The following MORN1 variants were observed in gnomAD, a reference collection of about 807,000 sequenced individuals.
The protein encoded by MORN1 is MORN repeat-containing protein 1.
MORN1 carries 67 observed loss-of-function variants against 61.9 expected under a neutral mutation model. The observed-to-expected ratio is 1.08, with a 90% confidence interval of 0.89 to 1.33. MORN1 has a LOEUF of 1.33. Ranked by LOEUF, MORN1 falls within the 40% of genes most tolerant of loss-of-function variation. The pLI is 0.00. For synonymous variants in MORN1, 301 were observed against 292.0 expected (o/e 1.03, Z -0.31); for missense variants, 752 against 691.2 (o/e 1.09, Z -0.99).
At chr1:2,350,507 T>G (rs912525263) in intron 10 of MORN1, 16 of 152,388 alleles carry the variant, frequency 1.0e-4, no homozygotes, top group African/African-American at 3.8e-4. Context: ...GAAAGATGCC[T>G]GGGACCCCAA....
intron 12 of MORN1, among the ~76,000 whole-genome samples, chr1:2,331,624 G>A (rs1468287998): frequency 6.6e-6 from 1 of 152,164 alleles, no homozygotes; most frequent in Non-Finnish European, 1.5e-5. Context: ...CTGTGCCCAT[G>A]AAACCCGGGC....
intron 6 of MORN1, among the ~76,000 whole-genome samples, chr1:2,383,714 C>T (rs753781587): frequency 7.2e-6 from 1 of 138,290 alleles, no homozygotes; most frequent in Non-Finnish European, 1.7e-5. Flanking sequence ...CTGCTGGACG[C>T]TCAGGGGGCC....
chr1:2,321,352 C>T lies in MORN1; in HGVS notation c.*31G>A, dbSNP rs1640875883. 3 of 1,422,332 alleles carry T rather than the reference C, an allele frequency of 2.1e-6. No individual in the cohort carries two copies. The highest frequency in any genetic ancestry group is 1.5e-5 in the African/African-American group (1 of 68,028). 88.1% of individuals were successfully genotyped at this position (1,422,332 alleles called of 1,614,324 possible). On this transcript the variant is annotated 3_prime_UTR_variant, in exon 14 of 14. Transcript: ENST00000378531. ...CAGAGGCAGCGTTTCCTTCCATTCA[C>T]ACCGAGGTGGCCTCCTGTGGACACG...
intron 1 of MORN1, chr1:2,390,315 G>T (rs1012054103): frequency 1.4e-6 from 1 of 701,218 alleles, no homozygotes; most frequent in Non-Finnish European, 1.8e-6. Context: ...TGAGGAGCAG[G>T]TTGGGAGCCT....
Position 2,321,468 on chromosome 1 carries a change from G to T in MORN1, c.1409C>A (p.Pro470His). The T allele has an allele frequency of 2.0e-6, 3 of 1,537,398 alleles. No individual in the cohort carries two copies. The highest frequency in any genetic ancestry group is 2.6e-6 in the Non-Finnish European group (3 of 1,140,866). ...TTCAGGGCCTTCTTCCAGGACATGG[G>T]GTGGCTGGCCAGCCCTCTTCGCTAC... ...RVVAKRAGQP[P>H]HVLEEGPEAS... Residue 470 changes from proline to histidine, a missense_variant, in exon 14 of 14, where the codon CCC (proline) becomes CAC (histidine). Pro to His is a moderately conservative substitution (Grantham distance 77). Transcript: ENST00000378531.
chr1:2,341,516 C>A (rs1415226822), intron 10 of MORN1, among the ~76,000 whole-genome samples: 1 of 152,038 alleles, frequency 6.6e-6, no homozygotes, highest in African/African-American at 2.4e-5. Context: ...CATAGTGAAA[C>A]CCCGTCTCTA....
intron 8 of MORN1, among the ~76,000 whole-genome samples, chr1:2,362,471 C>T (rs756430930): frequency 4.0e-5 from 6 of 150,624 alleles, no homozygotes; most frequent in Admixed American, 1.3e-4. Context: ...AGTGGACCAT[C>T]GAGGGAAAAA....
chr1:2,379,051 G>A (rs977260715), intron 6 of MORN1: 25 of 470,992 alleles, frequency 5.3e-5, no homozygotes, highest in Non-Finnish European at 9.2e-5. Flanking sequence ...TCTTCATAGA[G>A]CTTTGCATTA....
chr1:2,323,970 C>T, intron 13 of MORN1, 127 bp downstream of exon 13: 2 of 1,455,170 alleles, frequency 1.4e-6, no homozygotes, highest in East Asian at 2.6e-5. Context: ...CAGTCCCCCA[C>T]CCACTGCCAC....
Position 2,357,318 on chromosome 1 carries a change from T to C in MORN1, c.1036+114A>G. 1 of 1,183,634 alleles carries C rather than the reference T, an allele frequency of 8.4e-7. No individual in the cohort carries two copies. Among genetic ancestry groups the C allele is most frequent in the Non-Finnish European group, 1.2e-6 (1 of 848,412 alleles). The allele number at this position is 1,183,634 out of a possible 1,614,324, so 73.3% of individuals were successfully genotyped here. A position where few individuals can be genotyped will look rare whatever the true frequency, so the allele number is the denominator to read the frequency against. On this transcript the variant is annotated intron_variant, in intron 10 of 13. Coordinates refer to ENST00000378531, the MANE Select transcript of MORN1 (RefSeq NM_024848.3). This position sits in a 1 kb window ranked among gnomAD's most constrained non-coding sequence, Gnocchi z 6.3. ...TTCACCCACGCGTGATGACTGACCC[T>C]GGGTGCGGCTTGCTCCTGCTCTGGC...
In MORN1 at chr1:2,337,838, G is replaced by A. The variant is rs1641312136; in HGVS notation, c.1037-988C>T. On this transcript the variant is annotated intron_variant, in intron 10 of 13. Coordinates refer to ENST00000378531, the MANE Select transcript of MORN1 (RefSeq NM_024848.3). This position sits in a 1 kb window ranked among gnomAD's most constrained non-coding sequence, Gnocchi z 5.7. ...TTCTGAGAGGGAGGCAGGGGCTGGG[G>A]CGGTGGCTTTAGGGCCACAGATGAG... Among the ~76,000 whole-genome samples the A allele has an allele frequency of 6.6e-6, 1 of 152,176 alleles. No homozygotes were observed. Among genetic ancestry groups the A allele is most frequent in the African/African-American group, 2.4e-5 (1 of 41,436 alleles).
rs577142520 is a variant in MORN1, at chr1:2,357,120, C to A, written c.1036+312G>T. The stretch of plus-strand genomic sequence containing the variant: ...CCGTGTCCAGGCTGGCCACTGGCCT[C>A]GAGGCCTGGGTGAGTCTGCTGCCCT... On this transcript the variant is annotated intron_variant, in intron 10 of 13. Transcript: ENST00000378531. This position sits in a 1 kb window ranked among gnomAD's most constrained non-coding sequence, Gnocchi z 6.3. Among the ~76,000 whole-genome samples, 2 of 152,244 alleles carry A rather than the reference C, an allele frequency of 1.3e-5. No individual in the cohort carries two copies. Among genetic ancestry groups the A allele is most frequent in the South Asian group, 4.1e-4 (2 of 4,832 alleles).
chr1:2,372,381 G>A lies in MORN1; in HGVS notation c.745+100C>T. 4.4e-6 allele frequency: 4 copies of A among 902,620 alleles called. No homozygotes were observed. The South Asian group carries it at 6.5e-5, about 15-fold the overall frequency. 55.9% of individuals were successfully genotyped at this position (902,620 alleles called of 1,614,324 possible). A position where few individuals can be genotyped will look rare whatever the true frequency, so the allele number is the denominator to read the frequency against. On this transcript the variant is annotated intron_variant, in intron 8 of 13. Coordinates refer to ENST00000378531, the MANE Select transcript of MORN1 (RefSeq NM_024848.3). The surrounding 1 kb of genome is among the most constrained non-coding windows in gnomAD (Gnocchi z 5.4). Reference sequence around the variant, plus strand: ...GCACGAAGTCACTGCTGTGCCTCAGGAGCCACATGCAACATCTCGTCCGCA... The same window carrying A: ...GCACGAAGTCACTGCTGTGCCTCAGAAGCCACATGCAACATCTCGTCCGCA...
Position 2,334,050 on chromosome 1 carries a change from G to A in MORN1, c.1250+2419C>T, listed in dbSNP as rs1012991064. On this transcript the variant is annotated intron_variant, in intron 12 of 13. Coordinates refer to ENST00000378531, the MANE Select transcript of MORN1 (RefSeq NM_024848.3). This position sits in a 1 kb window ranked among gnomAD's most constrained non-coding sequence, Gnocchi z 5.4. ...CTTCTTCCTCACCGCAGAGCAGACA[G>A]AAGGCATGGGGGTCACAGCTGGGGG... 1.3e-5 allele frequency among the ~76,000 whole-genome samples: 2 copies of A among 152,212 alleles called. No homozygotes were observed. The highest frequency in any genetic ancestry group is 1.3e-4 in the Admixed American group (2 of 15,288).
intron 10 of MORN1, among the ~76,000 whole-genome samples, chr1:2,348,859 TCATGTGCACGCACACACAGC>T (rs1641588741): frequency 1.5e-5 from 2 of 129,150 alleles, no homozygotes; most frequent in South Asian, 5.2e-4. Flanking sequence ...GCACGCACAG[TCATGTGCACGCACACACAGC>T]CATGTGTACG....
rs186282574 is a variant in MORN1, at chr1:2,335,709, C to T, written c.1250+760G>A. On this transcript the variant is annotated intron_variant, in intron 12 of 13. Coordinates refer to ENST00000378531, the MANE Select transcript of MORN1 (RefSeq NM_024848.3). ...CGAGTGCCTGGCAGGCGGGTGGGAG[C>T]GGGGCGGGTGCTGGTCACTCTGCGA... is the stretch of plus-strand genomic sequence containing the variant. Among the ~76,000 whole-genome samples the T allele has an allele frequency of 4.7e-3, 718 of 152,296 alleles. 3 individuals are homozygous for T. The highest frequency in any genetic ancestry group is 0.014 in the African/African-American group (598 of 41,548).
rs533353078 is a variant in MORN1, at chr1:2,337,084, C to T, written c.1037-234G>A. On this transcript the variant is annotated intron_variant, in intron 10 of 13. Transcript: ENST00000378531. The surrounding 1 kb of genome is among the most constrained non-coding windows in gnomAD (Gnocchi z 5.7). ...CCGTGTCCACGGCCTCTGACGCCCC[C>T]GCCCCCTTCTGAGTCCACCCCAGCG... 2.2e-4 allele frequency among the ~76,000 whole-genome samples: 34 copies of T among 152,268 alleles called. No homozygotes were observed. The East Asian group carries it at 4.6e-3, about 21-fold the overall frequency.
chr1:2,344,176 C>CAGGGGCACTGCCCTCAGGCGGCCTT (rs1641460077), intron 10 of MORN1, among the ~76,000 whole-genome samples: 2 of 152,210 alleles, frequency 1.3e-5, no homozygotes, highest in Admixed American at 1.3e-4. Flanking sequence ...GGAGGATGTC[C>CAGGGGCACTGCCCTCAGGCGGCCTT]AGGGGCACTG....
rs1390100475 is a variant in MORN1 at position 2,386,070 on chromosome 1, G to T, written c.359-173C>A. 3.0e-5 allele frequency: 18 copies of T among 609,806 alleles called. No homozygotes were observed. The East Asian group carries it at 4.7e-4, about 16-fold the overall frequency. 37.8% of individuals were successfully genotyped at this position (609,806 alleles called of 1,614,324 possible). A position where few individuals can be genotyped will look rare whatever the true frequency, so the allele number is the denominator to read the frequency against. ...ACCCTCCAGACCTGGCTACACAGAG[G>T]CCTCAGCACGGCTCGGTGAGGCTCT... On this transcript the variant is annotated intron_variant, in intron 4 of 13. Transcript: ENST00000378531.
Sources: gnomAD v4.1 joint callset for allele counts (sites outside exome capture counted in the v4.1 genomes callset) on GRCh38, gnomAD v4.1.1 for gene constraint, Gnocchi (gnomAD v3.1) non-coding constraint, MANE v1.5 for transcripts, NCBI Gene and HGNC (gene_info 2026-07-23, HGNC 2026-07-21) for gene names.